The following ADGRL2 variants were observed in gnomAD, a reference collection of about 807,000 sequenced individuals.
The protein encoded by ADGRL2 is adhesion G protein-coupled receptor L2.
A neutral mutation model predicts 157.4 loss-of-function variants in ADGRL2; 44 were observed. The ratio of observed to expected loss-of-function variants is 0.28; its 90% CI spans 0.22 to 0.36. The LOEUF (loss-of-function observed/expected upper bound fraction) is 0.36, where lower values mean the gene tolerates loss of function less well. ADGRL2 is among the 10% of genes least tolerant of loss of function. The pLI is 1.00. For missense variants in ADGRL2, 1,510 were observed against 1,768.9 expected, an observed-to-expected ratio of 0.85 and a Z score of 2.63; for synonymous variants, 585 against 624.7, an observed-to-expected ratio of 0.94 and a Z score of 0.95.
In ADGRL2 at chr1:81,991,240, G is replaced by A; in HGVS notation, c.*95G>A. 2 of 1,155,300 alleles carry A rather than the reference G, an allele frequency of 1.7e-6. No homozygotes were observed. The highest frequency in any genetic ancestry group is 2.4e-6 in the Non-Finnish European group (2 of 818,556). The allele number at this position is 1,155,300 out of a possible 1,614,324, so 71.6% of individuals were successfully genotyped here. On this transcript the variant is annotated 3_prime_UTR_variant, in exon 24 of 24. Coordinates refer to ENST00000686636, the MANE Select transcript of ADGRL2 (RefSeq NM_001366006.2). The stretch of plus-strand genomic sequence containing the variant: ...AGCTCCCTCAAACTCTGCTTGAAGA[G>A]ATGACTCTTGACCTGTGGTTCTCTG...
intron 2 of ADGRL2, among the ~76,000 whole-genome samples, chr1:81,868,942 C>G (rs902760995): frequency 6.6e-6 from 1 of 151,996 alleles, no homozygotes; most frequent in Admixed American, 6.6e-5. Context: ...ATTCATACTG[C>G]ATATAAAGTA....
intron 2 of ADGRL2, among the ~76,000 whole-genome samples, chr1:81,474,072 T>C (rs1054363426): frequency 1.3e-5 from 2 of 152,178 alleles, no homozygotes; most frequent in African/African-American, 4.8e-5. Context: ...CCTCTCCCTA[T>C]CACAGGTCTC....
chr1:81,390,375 G>T (rs1206497329), intron 1 of ADGRL2, among the ~76,000 whole-genome samples: 44 of 152,398 alleles, frequency 2.9e-4, no homozygotes, highest in African/African-American at 1.0e-3. Context: ...AACTGCAAAT[G>T]GTCTGCACAA....
rs75647095 is a variant in ADGRL2, at chr1:81,348,478, A to G, written c.-302+41969A>G. 8.7e-3 allele frequency among the ~76,000 whole-genome samples: 1,320 copies of G among 152,294 alleles called. 16 individuals carry two copies. The highest frequency in any genetic ancestry group is 0.03 in the African/African-American group (1,260 of 41,550). On this transcript the variant is annotated intron_variant, in intron 1 of 24. Coordinates refer to the ADGRL2 transcript ENST00000370721. ...TTGGTTCCAGAAAGGGAGTGGTGAT[A>G]TGGGGAGGGGGTTGTTGAAAACAAT...
chr1:81,910,402 T>C (rs1016003274), intron 3 of ADGRL2, among the ~76,000 whole-genome samples: 4 of 151,846 alleles, frequency 2.6e-5, no homozygotes, highest in African/African-American at 7.2e-5. Flanking sequence ...CAGTTTTTTT[T>C]CTTCACTGAG....
At chr1:81,880,010 G>A (rs550813563) in intron 2 of ADGRL2, among the ~76,000 whole-genome samples, 128 of 152,314 alleles carry the variant, frequency 8.4e-4, no homozygotes, top group Non-Finnish European at 1.7e-3. Context: ...CTAGGCGATA[G>A]AGTGAGACAT....
chr1:81,355,810 C>T (rs1337363331), intron 1 of ADGRL2, among the ~76,000 whole-genome samples: 3 of 152,284 alleles, frequency 2.0e-5, no homozygotes, highest in Admixed American at 6.5e-5. Context: ...TGGTGACCTA[C>T]TCGCTCCCAG....
At chr1:81,566,398 G>A (rs548531586) in intron 2 of ADGRL2, among the ~76,000 whole-genome samples, 41 of 152,154 alleles carry the variant, frequency 2.7e-4, no homozygotes, top group East Asian at 1.9e-3. Context: ...AGTTGAGACC[G>A]GAAAATAATA....
Position 81,494,424 on chromosome 1 carries a change from T to C in ADGRL2, c.-248+49335T>C, listed in dbSNP as rs2078692296. Among the ~76,000 whole-genome samples, 4 of 152,168 alleles carry C rather than the reference T, an allele frequency of 2.6e-5. No individual in the cohort carries two copies. In the South Asian group the frequency reaches 8.3e-4, roughly 31 times the overall value. The stretch of plus-strand genomic sequence containing the variant: ...CCTGGACAAGATCAAATGCCCATGC[T>C]AAAGCAACTTTCCCATCATCTGCAA... On this transcript the variant is annotated intron_variant, in intron 2 of 24. Coordinates refer to the ADGRL2 transcript ENST00000370721.
chr1:81,401,661 A>C lies in ADGRL2; in HGVS notation c.-301-43375A>C, dbSNP rs546981300. Among the ~76,000 whole-genome samples the C allele has an allele frequency of 2.0e-5, 3 of 152,218 alleles. No homozygotes were observed. The South Asian group carries it at 6.2e-4, about 32-fold the overall frequency. ...CCTCCTCATTTGGCATGTTTATGAG[A>C]GTGCTTGATTTCCAAGAAATTTTTT... On this transcript the variant is annotated intron_variant, in intron 1 of 24. Coordinates refer to the ADGRL2 transcript ENST00000370721.
At chr1:81,453,083 A>G (rs76236395) in intron 2 of ADGRL2, among the ~76,000 whole-genome samples, 1,630 of 152,320 alleles carry the variant, frequency 0.011, 33 homozygotes, top group African/African-American at 0.035. Context: ...AGGGAAACAA[A>G]TTAAGTAAAA....
At chr1:81,963,284 T>A (rs1419086943) in intron 11 of ADGRL2, among the ~76,000 whole-genome samples, 3 of 152,076 alleles carry the variant, frequency 2.0e-5, no homozygotes, top group Non-Finnish European at 4.4e-5. Context: ...ATTCTTAGTA[T>A]TTCTGATAGT....
intron 1 of ADGRL2, among the ~76,000 whole-genome samples, chr1:81,738,890 C>A (rs1376855845): frequency 1.3e-5 from 2 of 152,178 alleles, no homozygotes; most frequent in Non-Finnish European, 2.9e-5. Flanking sequence ...AACAATTAAC[C>A]TGGTTATAAG....
At chr1:81,495,475 T>A (rs1430187805) in intron 2 of ADGRL2, among the ~76,000 whole-genome samples, 6 of 152,202 alleles carry the variant, frequency 3.9e-5, no homozygotes, top group Admixed American at 3.9e-4. Context: ...ATTCCATTTG[T>A]GCTGCAACAA....
At chr1:81,754,889 G>A (rs1444326223) in intron 1 of ADGRL2, among the ~76,000 whole-genome samples, 13 of 151,622 alleles carry the variant, frequency 8.6e-5, no homozygotes, top group Admixed American at 2.0e-4. Context: ...ATGAGACAAC[G>A]CATGTTAATT....
chr1:81,465,340 AATT>A lies in ADGRL2; in HGVS notation c.-248+20253_-248+20255del, dbSNP rs1259579166. On this transcript the variant is annotated intron_variant, in intron 2 of 24. Transcript: ENST00000370721. ...GGAATTATATAAATTAGATATCAGA[AATT>A]AATTACTATTTTGAATATGTGGCAC... 3.9e-5 allele frequency among the ~76,000 whole-genome samples: 6 copies of A among 152,280 alleles called. No individual in the cohort carries two copies. The East Asian group carries it at 5.8e-4, about 15-fold the overall frequency.
chr1:81,606,519 ACT>A (rs1491051467), intron 3 of ADGRL2, among the ~76,000 whole-genome samples: 1 of 148,948 alleles, frequency 6.7e-6, no homozygotes, highest in Non-Finnish European at 1.5e-5. Flanking sequence ...ACACACACAC[ACT>A]CACACTACAC....
At chr1:81,788,169 G>T (rs2087147928) in intron 2 of ADGRL2, among the ~76,000 whole-genome samples, 1 of 152,108 alleles carries the variant, frequency 6.6e-6, no homozygotes, top group Non-Finnish European at 1.5e-5. Context: ...TTTTGAGGAG[G>T]TAATAAGAAA....
chr1:81,596,400 C>T, intron 3 of ADGRL2: 1 of 480,676 alleles, frequency 2.1e-6, no homozygotes, highest in Non-Finnish European at 4.0e-6. Context: ...CAAGTCAGCT[C>T]ACACCTTCTC....
Sources: allele counts gnomAD v4.1 joint callset (sites outside exome capture counted in the v4.1 genomes callset), GRCh38; gene constraint gnomAD v4.1.1; transcripts MANE v1.5; gene names NCBI Gene and HGNC (gene_info 2026-07-23, HGNC 2026-07-21).